Variants in NSD3 observed in about 807,000 individuals in gnomAD.
The protein encoded by NSD3 is histone-lysine N-methyltransferase NSD3.
A neutral mutation model predicts 160.8 loss-of-function variants in NSD3; 24 were observed. The observed-to-expected ratio is 0.15, with a 90% CI of 0.11 to 0.21. The LOEUF (loss-of-function observed/expected upper bound fraction) is 0.21. NSD3 is among the 10% of genes least tolerant of loss of function. NSD3 has a pLI of 1.00. For synonymous variants in NSD3, 520 were observed against 600.0 expected (o/e 0.87, Z 1.95); for missense variants, 1,157 against 1,735.9 (o/e 0.67, Z 5.93).
Position 38,337,473 on chromosome 8 carries a change from G to A in NSD3, c.748-6C>T, listed in dbSNP as rs1393757320. On this transcript the variant is annotated splice_polypyrimidine_tract_variant and splice_region_variant and intron_variant, in intron 3 of 23. Coordinates refer to ENST00000317025, the MANE Select transcript of NSD3 (RefSeq NM_023034.2). The stretch of plus-strand genomic sequence containing the variant: ...GAAGATAGTATTGGCTGAACCTACA[G>A]GAAAGGGTCAAAAAACTTCATCAGA... The A allele has an allele frequency of 2.6e-6, 4 of 1,544,572 alleles. No individual in the cohort carries two copies. In the South Asian group the frequency reaches 3.8e-5, roughly 15 times the overall value.
At chr8:38,348,319 A>G in intron 1 of NSD3, 104 bp from the exon 2 acceptor site, 1 of 772,822 alleles carries the variant, frequency 1.3e-6, no homozygotes, top group Non-Finnish European at 2.0e-6. Context: ...CTCAATTTTC[A>G]TATCCAGATA....
chr8:38,284,799 A>C (rs1384878397), intron 19 of NSD3, among the ~76,000 whole-genome samples: 1 of 152,218 alleles, frequency 6.6e-6, no homozygotes, highest in Non-Finnish European at 1.5e-5. Flanking sequence ...TTGAAGAAAT[A>C]GTTTTGTGAC....
At chr8:38,285,958 A>G (rs1808845596) in intron 19 of NSD3, among the ~76,000 whole-genome samples, 1 of 152,092 alleles carries the variant, frequency 6.6e-6, no homozygotes, top group African/African-American at 2.4e-5. Context: ...TATGTTCTCC[A>G]TACCACAGCC....
rs2272677 is a variant in NSD3, at chr8:38,321,141, T to C, written c.1740A>G (p.Ser580=). The change falls in exon 8 of 24, where the codon TCA becomes TCG. Residue 580 remains serine, a synonymous_variant. Transcript: ENST00000317025. This position sits in a 1 kb window ranked among gnomAD's most constrained non-coding sequence, Gnocchi z 4.7. ...GSVEKKQQRR[S]IRTRSESEKS... ...TCTCTGATTCAGAACGAGTTCTAAT[T>C]GATCTTCTCTGTTGCTTCTTTTCTA... The C allele has an allele frequency of 1.6e-4, 256 of 1,612,994 alleles. 1 individual carries two copies. Among genetic ancestry groups the C allele is most frequent in the Non-Finnish European group, 2.0e-4 (231 of 1,179,846 alleles).
At chr8:38,277,806 C>T (rs1356710012) in intron 22 of NSD3, among the ~76,000 whole-genome samples, 3 of 152,082 alleles carry the variant, frequency 2.0e-5, no homozygotes, top group Non-Finnish European at 4.4e-5. Context: ...ACCTAACAGA[C>T]CTTACTGAAA....
At chr8:38,292,055 A>G (rs1809008041) in intron 16 of NSD3, among the ~76,000 whole-genome samples, 1 of 151,890 alleles carries the variant, frequency 6.6e-6, no homozygotes, top group African/African-American at 2.4e-5. Context: ...AAAATAAATC[A>G]AAGACATTTT....
At chr8:38,367,751 C>T (rs1277405811) in intron 1 of NSD3, among the ~76,000 whole-genome samples, 1 of 152,072 alleles carries the variant, frequency 6.6e-6, no homozygotes, top group Non-Finnish European at 1.5e-5. Context: ...TAAATCTCAT[C>T]TATCACCTTA....
At chr8:38,360,423 A>G (rs1348616612) in intron 1 of NSD3, among the ~76,000 whole-genome samples, 2 of 152,186 alleles carry the variant, frequency 1.3e-5, no homozygotes, top group African/African-American at 4.8e-5. Context: ...GAGGATGTCA[A>G]AATTATGAGG....
intron 15 of NSD3, among the ~76,000 whole-genome samples, chr8:38,296,718 G>GTGTA (rs1809159385): frequency 6.8e-6 from 1 of 146,120 alleles, no homozygotes; most frequent in Non-Finnish European, 1.5e-5. Context: ...GTGTGTGTAT[G>GTGTA]TGTGTGTATT....
intron 8 of NSD3, chr8:38,320,575 G>C (rs1344089099): frequency 6.6e-6 from 1 of 151,324 alleles, no homozygotes; most frequent in Non-Finnish European, 1.5e-5. Flanking sequence ...ATTCCACTGG[G>C]AAAATAACAT....
At chr8:38,323,158 G>T (rs975224119) in intron 7 of NSD3, among the ~76,000 whole-genome samples, 6 of 152,118 alleles carry the variant, frequency 3.9e-5, no homozygotes, top group Non-Finnish European at 8.8e-5. Flanking sequence ...GGGTTCAAGC[G>T]ATTCTCCTGC....
intron 2 of NSD3, among the ~76,000 whole-genome samples, chr8:38,345,422 C>T (rs971863083): frequency 2.0e-5 from 3 of 151,882 alleles, no homozygotes; most frequent in East Asian, 1.9e-4. Context: ...CCTGGATTTC[C>T]CCCCAAGACT....
At chr8:38,377,595 C>T (rs1227588897) in intron 1 of NSD3, among the ~76,000 whole-genome samples, 1 of 151,934 alleles carries the variant, frequency 6.6e-6, no homozygotes, top group Non-Finnish European at 1.5e-5. Context: ...GCAATCCGCC[C>T]GCCTCAGCCT....
At position 38,357,985 on chromosome 8, in the gene NSD3, T is replaced by C. The variant is rs187824142; in HGVS notation, c.-44-9770A>G. On this transcript the variant is annotated intron_variant, in intron 1 of 23. Transcript: ENST00000317025. ...GTTCTAGACTTAACTTTCATGAAGG[T>C]TTAAAGTTCCAAGAGACTGGAATGA... is the stretch of plus-strand genomic sequence containing the variant. 7.2e-5 allele frequency among the ~76,000 whole-genome samples: 11 copies of C among 152,182 alleles called. No homozygotes were observed. In the East Asian group the frequency reaches 1.9e-3, roughly 27 times the overall value.
intron 1 of NSD3, among the ~76,000 whole-genome samples, chr8:38,366,702 G>T (rs971246268): frequency 1.3e-5 from 2 of 152,068 alleles, no homozygotes; most frequent in South Asian, 2.1e-4. Context: ...GTGAGCCAAC[G>T]TGCCCAGCCT....
At chr8:38,276,925 T>C (rs1243556375) in intron 22 of NSD3, among the ~76,000 whole-genome samples, 2 of 151,890 alleles carry the variant, frequency 1.3e-5, no homozygotes, top group South Asian at 2.1e-4. Context: ...TGGGCTCAAG[T>C]GATCCTCCGC....
chr8:38,347,221 T>C (rs1192507462), intron 2 of NSD3, among the ~76,000 whole-genome samples: 1 of 152,168 alleles, frequency 6.6e-6, no homozygotes, highest in Non-Finnish European at 1.5e-5. Context: ...CAACAGTCTA[T>C]TGTAAGCAAA....
intron 1 of NSD3, among the ~76,000 whole-genome samples, chr8:38,374,538 C>A (rs1029889098): frequency 6.6e-6 from 1 of 152,090 alleles, no homozygotes; most frequent in African/African-American, 2.4e-5. Flanking sequence ...ATGAAGACTG[C>A]TTGAGCCCAA....
chr8:38,361,754 C>CAAAAAAA (rs756700150), intron 1 of NSD3, among the ~76,000 whole-genome samples: 1 of 31,154 alleles, frequency 3.2e-5, no homozygotes, highest in African/African-American at 1.2e-4. Context: ...GACTCCGTCT[C>CAAAAAAA]AAAAAAAAAA....
Sources: allele counts gnomAD v4.1 joint callset (sites outside exome capture counted in the v4.1 genomes callset), GRCh38; gene constraint gnomAD v4.1.1; non-coding constraint Gnocchi (gnomAD v3.1); transcripts MANE v1.5; gene names NCBI Gene and HGNC (gene_info 2026-07-23, HGNC 2026-07-21).